DOCK10: variants seen among roughly 807,000 people sequenced by gnomAD.
DOCK10 encodes dedicator of cytokinesis 10.
DOCK10 carries 145 observed loss-of-function variants against 280.1 expected under a neutral mutation model. The ratio of observed to expected loss-of-function variants is 0.52; its 90% confidence interval spans 0.45 to 0.59. DOCK10 has a LOEUF of 0.59. DOCK10 is among the 20% of genes least tolerant of loss of function. The pLI is 0.00. For synonymous variants in DOCK10, 915 were observed against 942.2 expected (o/e 0.97, Z 0.53); for missense variants, 2,368 against 2,651.7 (o/e 0.89, Z 2.35).
intron 2 of DOCK10, among the ~76,000 whole-genome samples, chr2:224,928,040 C>T (rs1176439370): frequency 6.6e-6 from 1 of 152,158 alleles, no homozygotes; most frequent in Non-Finnish European, 1.5e-5. Context: ...CCCAGAGGAG[C>T]CTCACCCACT....
intron 40 of DOCK10, 54 bp from the exon 41 acceptor site, chr2:224,800,317 C>G (rs1266751592): frequency 9.5e-7 from 1 of 1,047,870 alleles, no homozygotes; most frequent in African/African-American, 1.6e-5. Flanking sequence ...GCTTTGTACC[C>G]TATAAAGGAT....
At chr2:225,023,547 G>T (rs1689839148) in intron 1 of DOCK10, among the ~76,000 whole-genome samples, 2 of 152,082 alleles carry the variant, frequency 1.3e-5, no homozygotes. Context: ...AAATCAAAAA[G>T]TCTGACAAGT....
At chr2:224,888,159 T>A (rs1699417538) in intron 4 of DOCK10, among the ~76,000 whole-genome samples, 1 of 152,048 alleles carries the variant, frequency 6.6e-6, no homozygotes, top group African/African-American at 2.4e-5. Context: ...TATGGAAACA[T>A]TCTAAGTGTC....
chr2:224,832,049 C>T (rs919671985), intron 26 of DOCK10, among the ~76,000 whole-genome samples: 1 of 152,180 alleles, frequency 6.6e-6, no homozygotes, highest in Non-Finnish European at 1.5e-5. Context: ...AAGGGTGACA[C>T]TTATCTCAGC....
At chr2:224,999,250 C>T (rs377144703) in intron 1 of DOCK10, among the ~76,000 whole-genome samples, 4 of 117,432 alleles carry the variant, frequency 3.4e-5, no homozygotes, top group African/African-American at 1.4e-4. Context: ...GTCTCTCTCT[C>T]TTTTTTTTTT....
At chr2:224,862,390 C>A (rs1697565418) in intron 14 of DOCK10, 1 of 275,616 alleles carries the variant, frequency 3.6e-6, no homozygotes, top group African/African-American at 2.2e-5. Flanking sequence ...CAATTTATGA[C>A]ATTGATTTGA....
chr2:225,011,376 C>A (rs969605275), intron 1 of DOCK10, among the ~76,000 whole-genome samples: 2 of 152,032 alleles, frequency 1.3e-5, no homozygotes, highest in South Asian at 2.1e-4. Context: ...TGACTCTTTC[C>A]ATAGCCAGAG....
At chr2:225,020,762 A>G (rs1176920905) in intron 1 of DOCK10, among the ~76,000 whole-genome samples, 6 of 152,232 alleles carry the variant, frequency 3.9e-5, no homozygotes, top group African/African-American at 1.2e-4. Context: ...TACACACACT[A>G]GAGCATGTCC....
intron 1 of DOCK10, among the ~76,000 whole-genome samples, chr2:224,947,535 A>G (rs1011025950): frequency 3.9e-5 from 6 of 152,252 alleles, no homozygotes; most frequent in Non-Finnish European, 7.3e-5. Context: ...GGCTATCTAA[A>G]TAAAGAAATT....
chr2:224,872,891 A>G (rs140169962), intron 11 of DOCK10, among the ~76,000 whole-genome samples: 206 of 152,366 alleles, frequency 1.4e-3, no homozygotes, highest in African/African-American at 4.9e-3. Flanking sequence ...TGTGCCTTAT[A>G]TTGATTAGGA....
At chr2:225,035,217 CATA>C (rs1690187618) in intron 1 of DOCK10, among the ~76,000 whole-genome samples, 1 of 152,042 alleles carries the variant, frequency 6.6e-6, no homozygotes, top group Admixed American at 6.6e-5. Flanking sequence ...GTTACAAGTG[CATA>C]ATGGAACTCC....
At chr2:224,978,348 G>A (rs529407724) in intron 1 of DOCK10, among the ~76,000 whole-genome samples, 2 of 152,078 alleles carry the variant, frequency 1.3e-5, no homozygotes, top group South Asian at 2.1e-4. Context: ...CAGAAGAATC[G>A]CTTGAACCCT....
intron 13 of DOCK10, 130 bp downstream of exon 13, chr2:224,864,423 T>G (rs552759501): frequency 1.1e-6 from 1 of 871,532 alleles, no homozygotes; most frequent in African/African-American, 1.7e-5. Context: ...GGCAAGAGAA[T>G]CACTTGAACC....
chr2:224,972,914 T>C (rs1344912564), intron 1 of DOCK10, among the ~76,000 whole-genome samples: 1 of 152,244 alleles, frequency 6.6e-6, no homozygotes, highest in Admixed American at 6.5e-5. Flanking sequence ...AATAAACTTA[T>C]GTTCTTTGAA....
At chr2:224,960,411 A>G (rs551674974) in intron 1 of DOCK10, among the ~76,000 whole-genome samples, 65 of 152,344 alleles carry the variant, frequency 4.3e-4, no homozygotes, top group African/African-American at 1.5e-3. Flanking sequence ...CAGGATAACC[A>G]GAAGAATAAA....
At chr2:224,868,874 C>A (rs964831286) in intron 11 of DOCK10, among the ~76,000 whole-genome samples, 3 of 151,992 alleles carry the variant, frequency 2.0e-5, no homozygotes, top group Admixed American at 1.3e-4. Context: ...GAACTCAAAA[C>A]ACATTGAAGG....
At chr2:225,024,132 G>A (rs757210161) in intron 1 of DOCK10, among the ~76,000 whole-genome samples, 4 of 152,130 alleles carry the variant, frequency 2.6e-5, no homozygotes, top group Admixed American at 2.0e-4. Context: ...TCAACATTTC[G>A]AGGTCAAGAA....
At chr2:224,894,469 A>G (rs1011808141) in intron 4 of DOCK10, among the ~76,000 whole-genome samples, 2 of 152,326 alleles carry the variant, frequency 1.3e-5, no homozygotes, top group East Asian at 1.9e-4. Context: ...CAGTCTCCCA[A>G]CTTCCGAGTT....
At chr2:224,779,594 T>A (rs960516274) in intron 50 of DOCK10, among the ~76,000 whole-genome samples, 9 of 152,162 alleles carry the variant, frequency 5.9e-5, no homozygotes, top group Non-Finnish European at 1.2e-4. Flanking sequence ...TTACCCATAT[T>A]AAAAAATCAG....
Sources: allele counts gnomAD v4.1 joint callset (sites outside exome capture counted in the v4.1 genomes callset), GRCh38; gene constraint gnomAD v4.1.1; transcripts MANE v1.5; gene names NCBI Gene and HGNC (gene_info 2026-07-23, HGNC 2026-07-21).